RORC: variants seen among roughly 807,000 people sequenced by gnomAD.
RORC encodes the protein RAR related orphan receptor C.
A neutral mutation model predicts 64.5 loss-of-function variants in RORC; 13 were observed. That is an observed-to-expected ratio of 0.20 (90% confidence interval 0.13 to 0.32). The LOEUF is 0.32. Among genes scored for constraint, RORC ranks in the 10% least tolerant of loss-of-function variants. RORC has a pLI of 1.00. For missense variants in RORC, 468 were observed against 669.5 expected, an observed-to-expected ratio of 0.70 and a Z score of 3.32; for synonymous variants, 277 against 259.3, an observed-to-expected ratio of 1.07 and a Z score of -0.65.
chr1:151,825,953 T>C (rs1652176801), intron 2 of RORC: 2 of 1,613,218 alleles, frequency 1.2e-6, no homozygotes, highest in East Asian at 2.2e-5. Context: ...GCCTTGGCTC[T>C]GCCGGCCTTG....
chr1:151,827,502 C>T (rs1428296015), intron 2 of RORC, among the ~76,000 whole-genome samples: 3 of 152,148 alleles, frequency 2.0e-5, no homozygotes, highest in African/African-American at 7.2e-5. Flanking sequence ...TTCAGGCTCC[C>T]TCTTGGTCTG....
In RORC at chr1:151,807,336, G is replaced by T; in HGVS notation, c.*136C>A. 2.5e-6 allele frequency: 2 copies of T among 812,736 alleles called. No homozygotes were observed. Among genetic ancestry groups the T allele is most frequent in the Non-Finnish European group, 3.7e-6 (2 of 533,410 alleles). The allele number at this position is 812,736 out of a possible 1,614,324, so 50.3% of individuals were successfully genotyped here. ...GCCTGCTGACAGAAAGCCAGCCGCA[G>T]CATCTGCTCACTTCCAAAGAGCTGG... On this transcript the variant is annotated 3_prime_UTR_variant, in exon 11 of 11. Coordinates refer to ENST00000318247, the MANE Select transcript of RORC (RefSeq NM_005060.4). This position sits in a 1 kb window ranked among gnomAD's most constrained non-coding sequence, Gnocchi z 5.0.
chr1:151,824,821 C>G (rs932843417), intron 2 of RORC, among the ~76,000 whole-genome samples: 1 of 152,214 alleles, frequency 6.6e-6, no homozygotes, highest in Non-Finnish European at 1.5e-5. Flanking sequence ...GGCCCAGTGA[C>G]TTGGCTTGTC....
chr1:151,817,143 C>T (rs543540722), intron 3 of RORC, 52 bp downstream of exon 3: 129 of 985,860 alleles, frequency 1.3e-4, no homozygotes, highest in African/African-American at 9.2e-4. Context: ...CGCGCGCGCG[C>T]GCTTGTGTAT....
rs59443678 is a variant in RORC at position 151,830,659 on chromosome 1, C to CACACACACACACACAGAT, written c.40+1065_40+1066insATCTGTGTGTGTGTGTGT. Reference sequence around the variant, plus strand: ...ACACACACACACACACACACACACACACAGTGCCCTTCTGCCCGGGAGATG... The same window carrying CACACACACACACACAGAT: ...ACACACACACACACACACACACACACACACACACACACACAGATACAGTGCCCTTCTGCCCGGGAGATG... On this transcript the variant is annotated intron_variant, in intron 1 of 10. Coordinates refer to ENST00000318247, the MANE Select transcript of RORC (RefSeq NM_005060.4). This position sits in a 1 kb window ranked among gnomAD's most constrained non-coding sequence, Gnocchi z 4.0. Among the ~76,000 whole-genome samples the CACACACACACACACAGAT allele has an allele frequency of 7.2e-6, 1 of 139,054 alleles. No homozygotes were observed. Among genetic ancestry groups the CACACACACACACACAGAT allele is most frequent in the Non-Finnish European group, 1.6e-5 (1 of 64,284 alleles). 91.2% of individuals were successfully genotyped at this position (139,054 alleles called of 152,430 possible). A position where few individuals can be genotyped will look rare whatever the true frequency, so the allele number is the denominator to read the frequency against.
intron 10 of RORC, among the ~76,000 whole-genome samples, chr1:151,808,390 T>C (rs1262062568): frequency 6.6e-6 from 1 of 152,216 alleles, no homozygotes; most frequent in Non-Finnish European, 1.5e-5. Flanking sequence ...GGAGCAAGGC[T>C]GAAAGAACAA....
At chr1:151,812,817 G>T in intron 9 of RORC, 130 bp downstream of exon 9, 1 of 622,766 alleles carries the variant, frequency 1.6e-6, no homozygotes, top group East Asian at 2.8e-5. Context: ...TAGCAATACT[G>T]AGTAGGGCTC....
chr1:151,829,336 T>A, intron 2 of RORC, 93 bp downstream of exon 2: 1 of 1,253,912 alleles, frequency 8.0e-7, no homozygotes, highest in Middle Eastern at 1.9e-4. Context: ...CCTCCACCTC[T>A]GTCCAACCTC....
chr1:151,819,743 G>A (rs1353591357), intron 2 of RORC, among the ~76,000 whole-genome samples: 1 of 152,102 alleles, frequency 6.6e-6, no homozygotes, highest in Non-Finnish European at 1.5e-5. Context: ...CTGGCCCTAG[G>A]AACCTCACAA....
intron 10 of RORC, among the ~76,000 whole-genome samples, chr1:151,808,836 T>A (rs1651410454): frequency 6.6e-6 from 1 of 152,082 alleles, no homozygotes; most frequent in Non-Finnish European, 1.5e-5. Flanking sequence ...AGGAAAAACC[T>A]CTCCCGAATG....
chr1:151,818,131 G>A (rs1337154586), intron 2 of RORC, among the ~76,000 whole-genome samples: 1 of 152,148 alleles, frequency 6.6e-6, no homozygotes, highest in Non-Finnish European at 1.5e-5. Flanking sequence ...AAGCGGTTGG[G>A]CCAGGGTCAT....
chr1:151,807,262 T>G lies in RORC; in HGVS notation c.*210A>C, dbSNP rs1261992367. The G allele has an allele frequency of 3.8e-6, 2 of 530,132 alleles. No homozygotes were observed. The highest frequency in any genetic ancestry group is 3.8e-5 in the African/African-American group (2 of 52,770). 32.8% of individuals were successfully genotyped at this position (530,132 alleles called of 1,614,324 possible). On this transcript the variant is annotated 3_prime_UTR_variant, in exon 11 of 11. Transcript: ENST00000318247. The surrounding 1 kb of genome is among the most constrained non-coding windows in gnomAD (Gnocchi z 5.0). ...GACAGGTCAAAGCTGAGGCTGGAGA[T>G]GGTGTTCTGCCAGCCCCACCCTCTG...
chr1:151,816,910 A>G (rs1409982022), intron 3 of RORC, 105 bp from the exon 4 acceptor site: 30 of 1,233,772 alleles, frequency 2.4e-5, no homozygotes, highest in Admixed American at 3.1e-5. Flanking sequence ...ACATCCCACG[A>G]CCTGTCAGTT....
At position 151,812,928 on chromosome 1, in the gene RORC, C is replaced by A; in HGVS notation, c.1285+19G>T. 6.5e-7 allele frequency: 1 copy of A among 1,535,786 alleles called. No homozygotes were observed. The highest frequency in any genetic ancestry group is 1.1e-5 in the South Asian group (1 of 89,264). On this transcript the variant is annotated intron_variant, in intron 9 of 10. Transcript: ENST00000318247. ...CCCTGCCACCTGAATGTCCTTCACC[C>A]AAGCCCAGCAACACTCACGGGCATT...
intron 10 of RORC, 66 bp downstream of exon 10, chr1:151,811,259 C>T (rs552680984): frequency 2.0e-5 from 21 of 1,063,598 alleles, no homozygotes; most frequent in African/African-American, 7.8e-5. Context: ...CCCCGGCCCT[C>T]GCAAACTCTG....
At position 151,817,419 on chromosome 1, in the gene RORC, A is replaced by G. The variant is rs1411519243; in HGVS notation, c.71-139T>C. On this transcript the variant is annotated intron_variant, in intron 2 of 10. Transcript: ENST00000318247. ...TCCAGCTTGCTGTTTCCCTCTTGCA[A>G]AATGGAAGGGGAAGTGAAATGCCAA... 11 of 640,910 alleles carry G rather than the reference A, an allele frequency of 1.7e-5. No homozygotes were observed. In the East Asian group the frequency reaches 3.0e-4, roughly 17 times the overall value. The allele number at this position is 640,910 out of a possible 1,614,324, so 39.7% of individuals were successfully genotyped here.
At chr1:151,820,254 C>T (rs1002632381) in intron 2 of RORC, among the ~76,000 whole-genome samples, 24 of 151,426 alleles carry the variant, frequency 1.6e-4, no homozygotes, top group Non-Finnish European at 2.5e-4. Context: ...TGGGGGAGAA[C>T]GGGAAGGGGG....
intron 1 of RORC, 89 bp from the exon 2 acceptor site, chr1:151,829,547 C>T: frequency 1.6e-6 from 2 of 1,214,860 alleles, no homozygotes; most frequent in South Asian, 1.9e-5. Flanking sequence ...CCCACTGCCG[C>T]ACTCCTTCCC....
intron 2 of RORC, among the ~76,000 whole-genome samples, chr1:151,817,744 C>A (rs1651824560): frequency 6.6e-6 from 1 of 152,198 alleles, no homozygotes; most frequent in African/African-American, 2.4e-5. Flanking sequence ...AGATGTGGTA[C>A]ACAAGGGGTG....
Sources: allele counts gnomAD v4.1 joint callset (sites outside exome capture counted in the v4.1 genomes callset), GRCh38; gene constraint gnomAD v4.1.1; non-coding constraint Gnocchi (gnomAD v3.1); transcripts MANE v1.5; gene names NCBI Gene and HGNC (gene_info 2026-07-23, HGNC 2026-07-21).